YAP1: variants seen among roughly 807,000 people sequenced by gnomAD.
YAP1 encodes the protein Yes1 associated transcriptional regulator, also known as transcriptional coactivator YAP1.
YAP1 carries 5 observed loss-of-function variants against 56.9 expected under a neutral mutation model. That is an observed-to-expected ratio of 0.09 (90% CI 0.05 to 0.18). YAP1 has a LOEUF of 0.18. YAP1 is among the 10% of genes least tolerant of loss of function. YAP1 has a pLI of 1.00. For synonymous variants in YAP1, 265 were observed against 248.1 expected (o/e 1.07, Z -0.64); for missense variants, 539 against 651.8 (o/e 0.83, Z 1.88).
At chr11:102,185,299 G>C (rs935528763) in intron 3 of YAP1, among the ~76,000 whole-genome samples, 7 of 152,132 alleles carry the variant, frequency 4.6e-5, no homozygotes, top group Non-Finnish European at 8.8e-5. Flanking sequence ...AATCCTTTTA[G>C]AGTTAACTGT....
At chr11:102,131,116 G>A (rs749139569) in intron 2 of YAP1, among the ~76,000 whole-genome samples, 1 of 152,084 alleles carries the variant, frequency 6.6e-6, no homozygotes, top group Non-Finnish European at 1.5e-5. Context: ...AATACTGGGT[G>A]GTTTTCTCAA....
intron 4 of YAP1, among the ~76,000 whole-genome samples, chr11:102,203,386 G>A (rs1948972143): frequency 6.6e-6 from 1 of 152,088 alleles, no homozygotes; most frequent in South Asian, 2.1e-4. Flanking sequence ...GACATGGGAT[G>A]GACTTTTGAT....
chr11:102,116,682 G>A (rs1019661096), intron 2 of YAP1, among the ~76,000 whole-genome samples: 1 of 152,192 alleles, frequency 6.6e-6, no homozygotes, highest in Non-Finnish European at 1.5e-5. Context: ...AAAACTGGGA[G>A]GAGGAGAGAT....
intron 4 of YAP1, among the ~76,000 whole-genome samples, chr11:102,190,014 A>G (rs549208535): frequency 1.1e-4 from 17 of 152,364 alleles, no homozygotes; most frequent in Non-Finnish European, 2.4e-4. Context: ...AATCCATCCT[A>G]TTAGTGTTGG....
At chr11:102,227,912 AC>A (rs1293688852) in intron 8 of YAP1, among the ~76,000 whole-genome samples, 4 of 152,080 alleles carry the variant, frequency 2.6e-5, no homozygotes, top group Admixed American at 2.0e-4. Context: ...CTATAAAAAA[AC>A]ATACAAAAAT....
intron 3 of YAP1, among the ~76,000 whole-genome samples, chr11:102,185,683 G>C (rs1565243514): frequency 6.6e-6 from 1 of 152,128 alleles, no homozygotes; most frequent in Admixed American, 6.5e-5. Context: ...ATTGGATTGG[G>C]TGGTAGTTTC....
At chr11:102,206,374 A>G (rs1342666679) in intron 5 of YAP1, among the ~76,000 whole-genome samples, 1 of 152,198 alleles carries the variant, frequency 6.6e-6, no homozygotes, top group African/African-American at 2.4e-5. Flanking sequence ...ATGTACATGG[A>G]ATTGTGGATT....
At chr11:102,216,996 T>G (rs1056154181) in intron 6 of YAP1, among the ~76,000 whole-genome samples, 1 of 152,238 alleles carries the variant, frequency 6.6e-6, no homozygotes, top group Non-Finnish European at 1.5e-5. Flanking sequence ...GGGACACATT[T>G]GGAGTCAGAG....
rs534613123 is a variant in YAP1, at chr11:102,120,802, T to G, written c.572+6408T>G. 3.3e-5 allele frequency among the ~76,000 whole-genome samples: 5 copies of G among 152,358 alleles called. No individual in the cohort carries two copies. The East Asian group carries it at 9.6e-4, about 29-fold the overall frequency. The stretch of plus-strand genomic sequence containing the variant: ...GGGATTTGGAGTAAAGATAGTGTGC[T>G]TGTTAAAGTGTTACTGTGTGCTTTG... On this transcript the variant is annotated intron_variant, in intron 2 of 8. Coordinates refer to ENST00000282441, the MANE Select transcript of YAP1 (RefSeq NM_001130145.3).
chr11:102,175,125 T>C (rs2135454909), intron 3 of YAP1, among the ~76,000 whole-genome samples: 1 of 152,304 alleles, frequency 6.6e-6, no homozygotes, highest in South Asian at 2.1e-4. Flanking sequence ...CCAAAGCTTA[T>C]TTTCATCAGT....
chr11:102,111,468 C>A lies in YAP1; in HGVS notation c.321+299C>A, dbSNP rs1453762966. ...TTCCTTTCTTTCTTCCCGGGGTTCC[C>A]GAGAGGTTGGCGGGAGTGGAGGAGG... is the stretch of plus-strand genomic sequence containing the variant. On this transcript the variant is annotated intron_variant, in intron 1 of 8. Coordinates refer to ENST00000282441, the MANE Select transcript of YAP1 (RefSeq NM_001130145.3). Among the ~76,000 whole-genome samples the A allele has an allele frequency of 2.0e-5, 3 of 147,884 alleles. No homozygotes were observed. The East Asian group carries it at 6.0e-4, about 30-fold the overall frequency.
intron 4 of YAP1, among the ~76,000 whole-genome samples, chr11:102,191,296 A>G (rs192790702): frequency 4.6e-5 from 7 of 151,964 alleles, no homozygotes; most frequent in Admixed American, 3.3e-4. Context: ...AACATTCAAC[A>G]TCCCTGGCCC....
intron 6 of YAP1, among the ~76,000 whole-genome samples, chr11:102,215,158 A>G (rs1949600068): frequency 6.6e-6 from 1 of 152,252 alleles, no homozygotes; most frequent in East Asian, 1.9e-4. Flanking sequence ...CAAGACCTCT[A>G]TCTTAAACAG....
chr11:102,173,646 A>G (rs1404704995), intron 3 of YAP1, among the ~76,000 whole-genome samples: 1 of 152,214 alleles, frequency 6.6e-6, no homozygotes, highest in Non-Finnish European at 1.5e-5. Flanking sequence ...AGATAAAGAA[A>G]GTGAGCATCA....
intron 2 of YAP1, among the ~76,000 whole-genome samples, chr11:102,140,608 G>A (rs1591200782): frequency 1.3e-5 from 2 of 152,170 alleles, no homozygotes; most frequent in East Asian, 1.9e-4. Context: ...ACTTTGGGAG[G>A]CCAAAGCGGA....
At chr11:102,120,121 C>T (rs1051805165) in intron 2 of YAP1, among the ~76,000 whole-genome samples, 10 of 152,184 alleles carry the variant, frequency 6.6e-5, no homozygotes, top group South Asian at 2.1e-4. Flanking sequence ...GGGACATTGC[C>T]GTTTCTATGA....
chr11:102,195,268 T>C (rs1398963263), intron 4 of YAP1, among the ~76,000 whole-genome samples: 2 of 152,232 alleles, frequency 1.3e-5, no homozygotes, highest in Non-Finnish European at 2.9e-5. Flanking sequence ...GAAAATGTTC[T>C]GCTGGATTTC....
At chr11:102,193,946 A>G (rs961927334) in intron 4 of YAP1, among the ~76,000 whole-genome samples, 1 of 151,344 alleles carries the variant, frequency 6.6e-6, no homozygotes, top group Non-Finnish European at 1.5e-5. Context: ...AGCTGGGACT[A>G]CAGGTGCCTG....
chr11:102,220,680 C>G (rs1949883719), intron 6 of YAP1, among the ~76,000 whole-genome samples: 1 of 151,938 alleles, frequency 6.6e-6, no homozygotes, highest in Non-Finnish European at 1.5e-5. Context: ...GGTTGGAGGG[C>G]TGGTAGAGTG....
Sources: allele counts gnomAD v4.1 joint callset (sites outside exome capture counted in the v4.1 genomes callset), GRCh38; gene constraint gnomAD v4.1.1; transcripts MANE v1.5; gene names NCBI Gene and HGNC (gene_info 2026-07-23, HGNC 2026-07-21).